Variants in SORCS3 observed in about 807,000 individuals in gnomAD.
SORCS3 encodes sortilin related VPS10 domain containing receptor 3.
A neutral mutation model predicts 146.3 loss-of-function variants in SORCS3; 57 were observed. That is an observed-to-expected ratio of 0.39 (90% confidence interval 0.31 to 0.49). The LOEUF is 0.49. SORCS3 is among the 20% of genes least tolerant of loss of function. The pLI, the probability that SORCS3 is intolerant of heterozygous loss-of-function variation, is 0.92. For missense variants in SORCS3, 1,341 were observed against 1,575.5 expected (o/e 0.85, Z 2.52); for synonymous variants, 653 against 618.5 (o/e 1.06, Z -0.83).
intron 1 of SORCS3, among the ~76,000 whole-genome samples, chr10:104,763,668 C>T (rs1269584923): frequency 2.6e-5 from 4 of 152,160 alleles, no homozygotes; most frequent in Non-Finnish European, 5.9e-5. Flanking sequence ...TTGTGGCCAA[C>T]GCTTCTTTAG....
chr10:104,808,254 C>T (rs2017701783), intron 1 of SORCS3, among the ~76,000 whole-genome samples: 1 of 152,170 alleles, frequency 6.6e-6, no homozygotes, highest in African/African-American at 2.4e-5. Context: ...TTCATTTATC[C>T]ATTTACCAAG....
intron 8 of SORCS3, among the ~76,000 whole-genome samples, chr10:105,140,128 A>G (rs1040302630): frequency 6.6e-6 from 1 of 152,174 alleles, no homozygotes; most frequent in African/African-American, 2.4e-5. Flanking sequence ...TTATAATTGC[A>G]TCACTTAATG....
intron 20 of SORCS3, among the ~76,000 whole-genome samples, chr10:105,237,630 G>A (rs1465399778): frequency 1.3e-5 from 2 of 152,124 alleles, no homozygotes; most frequent in Admixed American, 1.3e-4. Flanking sequence ...CACTATATTT[G>A]GCTGGCAAAT....
At chr10:104,797,714 C>G (rs1339707380) in intron 1 of SORCS3, among the ~76,000 whole-genome samples, 2 of 152,108 alleles carry the variant, frequency 1.3e-5, no homozygotes, top group East Asian at 3.9e-4. Flanking sequence ...CAAGACTGAT[C>G]TCTATATATC....
At chr10:104,647,730 T>C (rs1164834075) in intron 1 of SORCS3, among the ~76,000 whole-genome samples, 1 of 152,214 alleles carries the variant, frequency 6.6e-6, no homozygotes, top group African/African-American at 2.4e-5. Context: ...ACTAACAGGT[T>C]AACACTGTCT....
At chr10:104,768,415 T>C (rs770350506) in intron 1 of SORCS3, among the ~76,000 whole-genome samples, 13 of 152,234 alleles carry the variant, frequency 8.5e-5, no homozygotes, top group African/African-American at 1.4e-4. Context: ...AAAAACTGTG[T>C]CCTACTTTTT....
chr10:105,138,340 T>C (rs141582472), intron 7 of SORCS3, among the ~76,000 whole-genome samples: 7 of 152,148 alleles, frequency 4.6e-5, no homozygotes, highest in Non-Finnish European at 8.8e-5. Flanking sequence ...TGAGGAGAGA[T>C]GGGTGGCTTC....
intron 3 of SORCS3, among the ~76,000 whole-genome samples, chr10:104,925,106 G>T (rs1237686037): frequency 6.6e-6 from 1 of 151,998 alleles, no homozygotes; most frequent in East Asian, 1.9e-4. Context: ...TCCCCTCCCT[G>T]TGTTCATGTG....
chr10:104,996,572 C>T (rs997027792), intron 4 of SORCS3, among the ~76,000 whole-genome samples: 4 of 152,122 alleles, frequency 2.6e-5, no homozygotes, highest in Non-Finnish European at 5.9e-5. Context: ...ACTAAGTTAA[C>T]TTTATTGACA....
chr10:104,942,942 G>C (rs940753472), intron 3 of SORCS3, among the ~76,000 whole-genome samples: 3 of 152,118 alleles, frequency 2.0e-5, no homozygotes, highest in Non-Finnish European at 4.4e-5. Context: ...GGAGGTTCTA[G>C]TCAGTGCAAA....
chr10:104,814,288 G>A (rs998234066), intron 1 of SORCS3, among the ~76,000 whole-genome samples: 4 of 151,802 alleles, frequency 2.6e-5, no homozygotes, highest in Non-Finnish European at 4.4e-5. Context: ...CTTTCCCTCC[G>A]ATCTTCCTGC....
At chr10:104,979,109 T>G (rs2054918555) in intron 4 of SORCS3, among the ~76,000 whole-genome samples, 1 of 152,206 alleles carries the variant, frequency 6.6e-6, no homozygotes, top group Non-Finnish European at 1.5e-5. Context: ...ATGTTCTTTT[T>G]CGTAGCACTA....
intron 16 of SORCS3, among the ~76,000 whole-genome samples, chr10:105,201,961 C>A (rs2056577252): frequency 6.6e-6 from 1 of 152,112 alleles, no homozygotes. Context: ...ACTCAGTTGC[C>A]AGAAGGGTTT....
intron 1 of SORCS3, among the ~76,000 whole-genome samples, chr10:104,834,496 T>C (rs1414742478): frequency 6.6e-6 from 1 of 152,186 alleles, no homozygotes; most frequent in Non-Finnish European, 1.5e-5. Context: ...TTCAGGATTT[T>C]AAGTGTCAGT....
intron 2 of SORCS3, among the ~76,000 whole-genome samples, chr10:104,862,684 C>G (rs2018417796): frequency 6.6e-6 from 1 of 152,008 alleles, no homozygotes; most frequent in Non-Finnish European, 1.5e-5. Flanking sequence ...AATGTGTAAA[C>G]TGAATTGTAT....
At chr10:105,238,331 A>G (rs1720867316) in intron 20 of SORCS3, among the ~76,000 whole-genome samples, 1 of 152,222 alleles carries the variant, frequency 6.6e-6, no homozygotes. Context: ...AAATTCAAGA[A>G]TAGATAAAAG....
intron 3 of SORCS3, among the ~76,000 whole-genome samples, chr10:104,928,710 C>G (rs1364541660): frequency 6.6e-6 from 1 of 152,138 alleles, no homozygotes; most frequent in Non-Finnish European, 1.5e-5. Flanking sequence ...TCGGGTCTGC[C>G]AGATGGCTCA....
At chr10:105,067,378 T>G (rs2133723122) in intron 5 of SORCS3, among the ~76,000 whole-genome samples, 1 of 152,192 alleles carries the variant, frequency 6.6e-6, no homozygotes, top group South Asian at 2.1e-4. Flanking sequence ...AATACAAAAA[T>G]TAGCCAGATG....
intron 6 of SORCS3, among the ~76,000 whole-genome samples, chr10:105,096,807 G>A (rs2055749875): frequency 6.6e-6 from 1 of 152,078 alleles, no homozygotes; most frequent in African/African-American, 2.4e-5. Context: ...TCCAAATCAA[G>A]CTGTGCTTTA....
Sources: gnomAD v4.1 joint callset for allele counts (sites outside exome capture counted in the v4.1 genomes callset) on GRCh38, gnomAD v4.1.1 for gene constraint, MANE v1.5 for transcripts, NCBI Gene and HGNC (gene_info 2026-07-23, HGNC 2026-07-21) for gene names.